CACNA1E: variants seen among roughly 807,000 people sequenced by gnomAD.
CACNA1E encodes calcium voltage-gated channel subunit alpha1 E, also known as voltage-dependent R-type calcium channel subunit alpha-1E.
A neutral mutation model predicts 259.2 loss-of-function variants in CACNA1E; 40 were observed. The ratio of observed to expected loss-of-function variants is 0.15; its 90% CI spans 0.12 to 0.20. CACNA1E has a LOEUF of 0.20. CACNA1E is among the 10% of genes least tolerant of loss of function. The pLI, the probability that CACNA1E is intolerant of heterozygous loss-of-function variation, is 1.00. For synonymous variants in CACNA1E, 1,104 were observed against 1,138.5 expected, an observed-to-expected ratio of 0.97 and a Z score of 0.61; for missense variants, 1,874 against 3,040.1, an observed-to-expected ratio of 0.62 and a Z score of 9.02.
chr1:181,450,520 A>G (rs1661093640), intron 2 of CACNA1E, among the ~76,000 whole-genome samples: 1 of 152,138 alleles, frequency 6.6e-6, no homozygotes, highest in Non-Finnish European at 1.5e-5. Flanking sequence ...AATAGATGGC[A>G]TGGGAAAACA....
intron 2 of CACNA1E, among the ~76,000 whole-genome samples, chr1:181,477,784 C>T (rs976416926): frequency 3.3e-5 from 5 of 152,204 alleles, no homozygotes; most frequent in Non-Finnish European, 7.3e-5. Context: ...GTGAAATGTA[C>T]ATAACAAGTA....
intron 1 of CACNA1E, among the ~76,000 whole-genome samples, chr1:181,359,396 A>G (rs1010164613): frequency 6.6e-6 from 1 of 152,228 alleles, no homozygotes; most frequent in African/African-American, 2.4e-5. Context: ...TTTTTAGTGT[A>G]CAAGGTGAGA....
At chr1:181,692,944 CAACAAGCAAAA>C (rs1237584046) in intron 7 of CACNA1E, among the ~76,000 whole-genome samples, 2 of 151,504 alleles carry the variant, frequency 1.3e-5, no homozygotes, top group South Asian at 4.2e-4. Context: ...ATAAACAATT[CAACAAGCAAAA>C]AACAAACAAC....
intron 34 of CACNA1E, among the ~76,000 whole-genome samples, chr1:181,764,722 G>A (rs931145225): frequency 5.3e-5 from 8 of 152,162 alleles, no homozygotes; most frequent in African/African-American, 1.9e-4. Flanking sequence ...ACCTTAGTGA[G>A]AATTTTCTGA....
intron 7 of CACNA1E, among the ~76,000 whole-genome samples, chr1:181,700,067 C>G (rs909768085): frequency 6.6e-6 from 1 of 152,072 alleles, no homozygotes; most frequent in African/African-American, 2.4e-5. Context: ...GCAACGTCAC[C>G]TGGAGGGAGA....
chr1:181,528,787 G>A (rs571263600), intron 3 of CACNA1E, among the ~76,000 whole-genome samples: 1 of 152,286 alleles, frequency 6.6e-6, no homozygotes, highest in Admixed American at 6.5e-5. Context: ...TCTGGTGGAG[G>A]AAATTTCTTA....
At chr1:181,484,201 C>G (rs964427851) in intron 1 of CACNA1E, among the ~76,000 whole-genome samples, 191 bp downstream of exon 1, 2 of 152,090 alleles carry the variant, frequency 1.3e-5, no homozygotes, top group African/African-American at 4.8e-5. Context: ...TAGTGTTTTT[C>G]AAGGTAAGAC....
At chr1:181,697,261 G>T (rs138225661) in intron 7 of CACNA1E, among the ~76,000 whole-genome samples, 10 of 152,240 alleles carry the variant, frequency 6.6e-5, no homozygotes, top group Non-Finnish European at 1.3e-4. Flanking sequence ...GGTGGCACAG[G>T]TCCCCTGGCT....
intron 3 of CACNA1E, among the ~76,000 whole-genome samples, chr1:181,535,997 T>G (rs1668145454): frequency 1.3e-5 from 2 of 152,206 alleles, no homozygotes; most frequent in Admixed American, 6.5e-5. Context: ...AACATGATTA[T>G]TTCTTTACAG....
At chr1:181,714,526 T>C (rs1314191960) in intron 8 of CACNA1E, among the ~76,000 whole-genome samples, 1 of 152,048 alleles carries the variant, frequency 6.6e-6, no homozygotes, top group Non-Finnish European at 1.5e-5. Flanking sequence ...CTAGTGCCCC[T>C]CCTCCCTAGA....
chr1:181,507,620 G>T (rs573230029), intron 1 of CACNA1E, among the ~76,000 whole-genome samples: 11 of 152,300 alleles, frequency 7.2e-5, no homozygotes, highest in Middle Eastern at 3.4e-3. Context: ...GCACATGGCT[G>T]CCAGGACCTG....
chr1:181,432,859 A>G (rs1451033153), intron 2 of CACNA1E, among the ~76,000 whole-genome samples: 1 of 152,260 alleles, frequency 6.6e-6, no homozygotes, highest in Non-Finnish European at 1.5e-5. Flanking sequence ...GATTTTTAGT[A>G]GCCATGTTAA....
intron 1 of CACNA1E, among the ~76,000 whole-genome samples, chr1:181,506,821 C>T (rs1665748047): frequency 6.6e-6 from 1 of 151,454 alleles, no homozygotes; most frequent in Admixed American, 6.6e-5. Flanking sequence ...GGGAGAGTGG[C>T]TGGGGCCTAG....
chr1:181,663,552 G>C (rs1647901869), intron 7 of CACNA1E, among the ~76,000 whole-genome samples: 1 of 152,236 alleles, frequency 6.6e-6, no homozygotes, highest in Admixed American at 6.5e-5. Flanking sequence ...GGGAAACCGA[G>C]TAACATCAGG....
intron 7 of CACNA1E, among the ~76,000 whole-genome samples, chr1:181,656,723 A>C (rs1053441015): frequency 2.0e-5 from 3 of 152,228 alleles, no homozygotes; most frequent in Admixed American, 6.5e-5. Flanking sequence ...AACTTCCTGC[A>C]AGCTCCATTC....
intron 34 of CACNA1E, among the ~76,000 whole-genome samples, chr1:181,764,227 CTGAAA>C (rs1420047632): frequency 2.6e-5 from 4 of 152,128 alleles, no homozygotes; most frequent in African/African-American, 9.7e-5. Context: ...CTTAAACATA[CTGAAA>C]TATCTTTGGA....
intron 6 of CACNA1E, among the ~76,000 whole-genome samples, chr1:181,647,707 C>T (rs914735393): frequency 1.4e-4 from 22 of 152,200 alleles, no homozygotes; most frequent in African/African-American, 5.1e-4. Flanking sequence ...GAGATTGAAG[C>T]CCCAACTGGC....
In CACNA1E at chr1:181,798,550, C is replaced by G; in HGVS notation, c.6658C>G (p.Gln2220Glu). The change falls in exon 48 of 48, where the codon CAA becomes GAA. Residue 2220 changes from glutamine (Q) to glutamate (E), a missense_variant. By Grantham distance (29) the Gln-to-Glu change is conservative (BLOSUM62 2). Around this residue, in one of 14 missense-constraint regions of CACNA1E, gnomAD observed 542 missense variants for 587.2 expected, o/e 0.92. Transcript: ENST00000367573. The surrounding 1 kb of genome is among the most constrained non-coding windows in gnomAD (Gnocchi z 4.2). ...CAACTCTCCGCACCCCCAGCAGAGC[C>G]AACATGCCTCCCCACAGCGCTACAT... Reference protein sequence around the residue: ...SSNSPHPQQSQHASPQRYISE... With the variant: ...SSNSPHPQQSEHASPQRYISE... The G allele has an allele frequency of 6.2e-7, 1 of 1,613,858 alleles. No individual in the cohort carries two copies.
At chr1:181,477,038 T>C (rs1362136424) in intron 2 of CACNA1E, among the ~76,000 whole-genome samples, 3 of 152,280 alleles carry the variant, frequency 2.0e-5, no homozygotes, top group South Asian at 4.2e-4. Flanking sequence ...CCTCATCTTA[T>C]GGGAAAGAAA....
Sources: gnomAD v4.1 joint callset for allele counts (sites outside exome capture counted in the v4.1 genomes callset) on GRCh38, gnomAD v4.1.1 for gene constraint, gnomAD v4.1.1 regional missense constraint, Gnocchi (gnomAD v3.1) non-coding constraint, MANE v1.5 for transcripts, NCBI Gene and HGNC (gene_info 2026-07-23, HGNC 2026-07-21) for gene names.